The following EFL1 variants were observed in gnomAD, a reference collection of about 807,000 sequenced individuals.
The protein encoded by EFL1 is elongation factor like GTPase 1.
In EFL1, 76 loss-of-function variants were observed where a neutral mutation model predicts 126.7. The observed-to-expected ratio is 0.60, with a 90% CI of 0.50 to 0.73. The LOEUF (loss-of-function observed/expected upper bound fraction) is 0.73, where lower values mean the gene tolerates loss of function less well. Among genes scored for constraint, EFL1 ranks in the 30% least tolerant of loss-of-function variants. EFL1 has a pLI of 0.00. For synonymous variants in EFL1, 410 were observed against 448.4 expected (o/e 0.91, Z 1.08); for missense variants, 1,128 against 1,343.2 (o/e 0.84, Z 2.50).
chr15:82,132,602 G>A (rs564671131), intron 19 of EFL1, among the ~76,000 whole-genome samples: 1 of 144,266 alleles, frequency 6.9e-6, no homozygotes, highest in East Asian at 2.2e-4. Flanking sequence ...GTGACAGCAA[G>A]TCTAAGGAGC....
At chr15:82,144,261 C>CG (rs2073819663) in intron 18 of EFL1, among the ~76,000 whole-genome samples, 1 of 143,904 alleles carries the variant, frequency 6.9e-6, no homozygotes, top group African/African-American at 2.6e-5. Context: ...GTCTCCAAAA[C>CG]AAAAAAAAAA....
At chr15:82,147,029 T>C (rs1000421268) in intron 18 of EFL1, among the ~76,000 whole-genome samples, 3 of 152,084 alleles carry the variant, frequency 2.0e-5, no homozygotes, top group African/African-American at 7.2e-5. Flanking sequence ...ACATGCCGTG[T>C]CCAGGTGGTG....
At chr15:82,187,738 T>C (rs964817142) in intron 15 of EFL1, among the ~76,000 whole-genome samples, 1 of 152,170 alleles carries the variant, frequency 6.6e-6, no homozygotes, top group Non-Finnish European at 1.5e-5. Context: ...CTAATTTTTA[T>C]TTTAATGTTT....
intron 15 of EFL1, among the ~76,000 whole-genome samples, chr15:82,207,342 A>G (rs2074536348): frequency 6.6e-6 from 1 of 151,248 alleles, no homozygotes; most frequent in African/African-American, 2.4e-5. Flanking sequence ...GATAACATGT[A>G]TATATAAATT....
chr15:82,219,738 C>A lies in EFL1; in HGVS notation c.1525G>T (p.Ala509Ser), dbSNP rs770064734. The A allele has an allele frequency of 3.1e-6, 5 of 1,613,926 alleles. No individual in the cohort carries two copies. In the South Asian group the frequency reaches 5.5e-5, roughly 18 times the overall value. The change falls in exon 14 of 20, where the codon GCT (alanine) becomes TCT (serine). Residue 509 changes from alanine to serine, a missense_variant. Coordinates refer to ENST00000268206, the MANE Select transcript of EFL1 (RefSeq NM_024580.6). Reference sequence around the variant, plus strand: ...CGAGCCACACCACTGAACACCCGAGCAAATGCAATAAAAGACTCTTGGTTG... The same window carrying A: ...CGAGCCACACCACTGAACACCCGAGAAAATGCAATAAAAGACTCTTGGTTG... ...ENNQESFIAF[A>S]RVFSGVARRG...
intron 18 of EFL1, among the ~76,000 whole-genome samples, chr15:82,139,696 A>G (rs2073764193): frequency 6.6e-6 from 1 of 152,226 alleles, no homozygotes; most frequent in Non-Finnish European, 1.5e-5. Context: ...ACTCTCTTTA[A>G]AGCCTTCTCT....
At chr15:82,173,531 T>C (rs749612270) in intron 15 of EFL1, among the ~76,000 whole-genome samples, 4 of 152,216 alleles carry the variant, frequency 2.6e-5, no homozygotes, top group Non-Finnish European at 5.9e-5. Flanking sequence ...TTATCTATTG[T>C]CTGAAATACT....
chr15:82,238,307 C>G lies in EFL1; in HGVS notation c.731G>C (p.Gly244Ala), dbSNP rs774116777. The change falls in exon 7 of 20, where the codon GGA becomes GCA. Residue 244 changes from glycine to alanine, a missense_variant and splice_region_variant. Physicochemically the swap from Gly to Ala is moderately conservative, Grantham distance 60. This residue lies in a region of EFL1 where 316 missense variants were observed against 318.5 expected (regional missense o/e 0.99). Transcript: ENST00000268206. ...TTTAATCAGATGCAAACAGACTTAC[C>G]CAAAGCCCCACCCATCTATTGCACT... ...FTSAIDGWGF[G>A]IEHFARIYSQ... 3.1e-6 allele frequency: 5 copies of G among 1,613,874 alleles called. No homozygotes were observed. The highest frequency in any genetic ancestry group is 4.2e-6 in the Non-Finnish European group (5 of 1,179,986).
intron 18 of EFL1, among the ~76,000 whole-genome samples, chr15:82,149,350 A>T (rs1481160116): frequency 1.3e-5 from 2 of 152,210 alleles, no homozygotes; most frequent in Non-Finnish European, 2.9e-5. Context: ...ATTACCAAAA[A>T]TTTGGATTCT....
chr15:82,132,681 T>TGGGTGC lies in EFL1; in HGVS notation c.3175-2121_3175-2120insGCACCC, dbSNP rs1491165425. ...AGAAAAGGAGACAAGGTCCAGGAAT[T>TGGGTGC]GGGGGGGGGGGGGGGTAGGCAGAGT... On this transcript the variant is annotated intron_variant, in intron 19 of 19. Coordinates refer to ENST00000268206, the MANE Select transcript of EFL1 (RefSeq NM_024580.6). Among the ~76,000 whole-genome samples the TGGGTGC allele has an allele frequency of 4.9e-4, 21 of 42,956 alleles. 1 individual carries two copies. The highest frequency in any genetic ancestry group is 1.9e-3 in the African/African-American group (21 of 10,894). The allele number at this position is 42,956 out of a possible 152,430, so 28.2% of individuals were successfully genotyped here.
intron 15 of EFL1, among the ~76,000 whole-genome samples, chr15:82,199,317 A>G (rs2074442499): frequency 6.6e-6 from 1 of 150,520 alleles, no homozygotes; most frequent in South Asian, 2.1e-4. Context: ...GAAGTTGAGA[A>G]AGAGAGAGAG....
intron 15 of EFL1, among the ~76,000 whole-genome samples, chr15:82,166,670 T>C (rs1051722042): frequency 1.3e-5 from 2 of 152,190 alleles, no homozygotes; most frequent in Non-Finnish European, 2.9e-5. Context: ...AAAAATAACA[T>C]CAGCAAGTAC....
At position 82,171,238 on chromosome 15, in the gene EFL1, T is replaced by C. The variant is rs113431114; in HGVS notation, c.1751-7254A>G. ...GAGGAGGGCACCTTGAACTGTGAGC[T>C]ATTTCTGTTAGTCGTGGATCAGATT... On this transcript the variant is annotated intron_variant, in intron 15 of 19. Transcript: ENST00000268206. Among the ~76,000 whole-genome samples, 756 of 152,346 alleles carry C rather than the reference T, an allele frequency of 5.0e-3. 11 individuals are homozygous for C. The highest frequency in any genetic ancestry group is 0.018 in the African/African-American group (728 of 41,582).
At chr15:82,153,524 G>C (rs577259273) in intron 17 of EFL1, among the ~76,000 whole-genome samples, 5 of 152,128 alleles carry the variant, frequency 3.3e-5, no homozygotes, top group Admixed American at 3.3e-4. Context: ...TTCTTTAGTA[G>C]GCACTAGTAC....
At chr15:82,237,281 T>C (rs1487600583) in intron 7 of EFL1, among the ~76,000 whole-genome samples, 1 of 152,162 alleles carries the variant, frequency 6.6e-6, no homozygotes, top group East Asian at 1.9e-4. Context: ...AAAGGACTAC[T>C]GTTTAGAATA....
At chr15:82,198,051 G>A (rs1049762185) in intron 15 of EFL1, among the ~76,000 whole-genome samples, 1 of 152,126 alleles carries the variant, frequency 6.6e-6, no homozygotes, top group African/African-American at 2.4e-5. Context: ...TAACCCTAAG[G>A]CCCTTTATAA....
rs759359992 is a variant in EFL1 at position 82,152,215 on chromosome 15, T to G, written c.2239A>C (p.Lys747Gln). The change falls in exon 18 of 20, where the codon AAA (lysine) becomes CAA (glutamine). Residue 747 changes from lysine to glutamine, a missense_variant. This residue lies in a region of EFL1 where 561 missense variants were observed against 641.7 expected (regional missense o/e 0.87). Transcript: ENST00000268206. Reference sequence around the variant, plus strand: ...GCTCGAACACTGAGCGTGGCAAGTTTATTGGGAGTTGTTATGGTGATTAGC... The same window carrying G: ...GCTCGAACACTGAGCGTGGCAAGTTGATTGGGAGTTGTTATGGTGATTAGC... ...DGLITITTPN[K>Q]LATLSVRAMP... 2 of 1,614,184 alleles carry G rather than the reference T, an allele frequency of 1.2e-6. No individual in the cohort carries two copies. Among genetic ancestry groups the G allele is most frequent in the South Asian group, 2.2e-5 (2 of 91,076 alleles).
At chr15:82,133,104 G>A (rs895320222) in intron 19 of EFL1, among the ~76,000 whole-genome samples, 3 of 152,092 alleles carry the variant, frequency 2.0e-5, no homozygotes, top group Non-Finnish European at 4.4e-5. Context: ...CTGTGGTGAT[G>A]GAACAATTCT....
intron 16 of EFL1, among the ~76,000 whole-genome samples, chr15:82,162,717 C>A (rs1309824874): frequency 6.6e-6 from 1 of 152,200 alleles, no homozygotes; most frequent in Non-Finnish European, 1.5e-5. Context: ...GTCAGAGGTC[C>A]AGTCCTCCAA....
Sources: gnomAD v4.1 joint callset for allele counts (sites outside exome capture counted in the v4.1 genomes callset) on GRCh38, gnomAD v4.1.1 for gene constraint, gnomAD v4.1.1 regional missense constraint, MANE v1.5 for transcripts, NCBI Gene and HGNC (gene_info 2026-07-23, HGNC 2026-07-21) for gene names.